The following CENPN variants were observed in gnomAD, a reference collection of about 807,000 sequenced individuals.
CENPN encodes interphase centromere complex protein 32.
A neutral mutation model predicts 48.6 loss-of-function variants in CENPN; 36 were observed. The ratio of observed to expected loss-of-function variants is 0.74; its 90% CI spans 0.57 to 0.98. The LOEUF (loss-of-function observed/expected upper bound fraction) is 0.98. Among genes scored for constraint, CENPN ranks in the 50% least tolerant of loss-of-function variants. The probability of loss-of-function intolerance (pLI) is 0.00; values close to 1 mark genes in which losing one functional copy is unlikely to be tolerated. For missense variants in CENPN, 439 were observed against 399.2 expected, an observed-to-expected ratio of 1.10 and a Z score of -0.85; for synonymous variants, 166 against 135.2, an observed-to-expected ratio of 1.23 and a Z score of -1.58.
Position 81,020,132 on chromosome 16 carries a change from T to G in CENPN, c.387T>G (p.Asn129Lys), listed in dbSNP as rs771490509. ...VTVSFRETEE[N>K]AVWIRIAWGT... ...TCAGCTTCAGAGAAACTGAGGAGAATGCAGTCTGGATTCGAATTGCCTGGG... is the reference window on the plus strand; with the variant it reads ...TCAGCTTCAGAGAAACTGAGGAGAAGGCAGTCTGGATTCGAATTGCCTGGG... Residue 129 changes from asparagine to lysine, a missense_variant, in exon 6 of 11, where the codon AAT becomes AAG. By Grantham distance (94) the Asn-to-Lys change is moderately conservative. Coordinates refer to ENST00000305850, the MANE Select transcript of CENPN (RefSeq NM_001100624.3). 1 of 1,613,064 alleles carries G rather than the reference T, an allele frequency of 6.2e-7. No individual in the cohort carries two copies. Among genetic ancestry groups the G allele is most frequent in the Non-Finnish European group, 8.5e-7 (1 of 1,179,774 alleles).
chr16:81,009,011 A>G, intron 1 of CENPN, among the ~76,000 whole-genome samples: 1 of 152,244 alleles, frequency 6.6e-6, no homozygotes, highest in East Asian at 1.9e-4. Flanking sequence ...GTTCAAGACC[A>G]GCCTGACCAA....
chr16:81,028,800 G>T lies in CENPN; in HGVS notation c.*149G>T. ...TTTAGAAATGCTCACATAATTGTTGGGACTGATTCATTCCTCCACGATATG... is the reference window on the plus strand; with the variant it reads ...TTTAGAAATGCTCACATAATTGTTGTGACTGATTCATTCCTCCACGATATG... On this transcript the variant is annotated 3_prime_UTR_variant, in exon 11 of 11. Coordinates refer to ENST00000305850, the MANE Select transcript of CENPN (RefSeq NM_001100624.3). 7.1e-7 allele frequency: 1 copy of T among 1,414,592 alleles called. No individual in the cohort carries two copies. The highest frequency in any genetic ancestry group is 1.7e-5 in the South Asian group (1 of 60,238). The allele number at this position is 1,414,592 out of a possible 1,614,324, so 87.6% of individuals were successfully genotyped here.
intron 2 of CENPN, among the ~76,000 whole-genome samples, chr16:81,013,854 C>T (rs567548515): frequency 6.6e-6 from 1 of 152,134 alleles, no homozygotes; most frequent in South Asian, 2.1e-4. Flanking sequence ...TAAAAATATA[C>T]AGTTTAATGG....
chr16:81,020,173 A>C lies in CENPN; in HGVS notation c.428A>C (p.Lys143Thr). The C allele has an allele frequency of 6.2e-7, 1 of 1,614,046 alleles. No individual in the cohort carries two copies. The highest frequency in any genetic ancestry group is 8.5e-7 in the Non-Finnish European group (1 of 1,179,992). The change falls in exon 6 of 11, where the codon AAG (lysine) becomes ACG (threonine). Residue 143 changes from lysine (K) to threonine (T), a missense_variant. By Grantham distance (78) the Lys-to-Thr change is moderately conservative. Coordinates refer to ENST00000305850, the MANE Select transcript of CENPN (RefSeq NM_001100624.3). ...IRIAWGTQYT[K>T]PNQYKPTYVV... is the part of the protein sequence containing the mutation. ...ATTGCCTGGGGAACACAGTACACAAAGCCAAACCAGTACAAACCTACCTAC... is the reference window on the plus strand; with the variant it reads ...ATTGCCTGGGGAACACAGTACACAACGCCAAACCAGTACAAACCTACCTAC...
intron 6 of CENPN, among the ~76,000 whole-genome samples, chr16:81,021,023 C>T (rs1447954512): frequency 6.6e-6 from 1 of 151,130 alleles, no homozygotes; most frequent in East Asian, 1.9e-4. Context: ...ACCCGGGAGG[C>T]AGAGGTTGCA....
Position 81,030,088 on chromosome 16 carries a change from A to C in CENPN, c.*1437A>C, listed in dbSNP as rs1970703655. 2 of 470,552 alleles carry C rather than the reference A, an allele frequency of 4.3e-6. No homozygotes were observed. Among genetic ancestry groups the C allele is most frequent in the Non-Finnish European group, 5.6e-6 (2 of 359,788 alleles). The allele number at this position is 470,552 out of a possible 1,614,324, so 29.1% of individuals were successfully genotyped here. On this transcript the variant is annotated 3_prime_UTR_variant, in exon 11 of 11. Transcript: ENST00000305850. ...CTCATGAAACTTATTCACTACCATGAGAATAGTATGGGGGAAATCGTTCCC... is the reference window on the plus strand; with the variant it reads ...CTCATGAAACTTATTCACTACCATGCGAATAGTATGGGGGAAATCGTTCCC...
rs1259299541 is a variant in CENPN at position 81,029,948 on chromosome 16, G to A, written c.*1297G>A. On this transcript the variant is annotated 3_prime_UTR_variant, in exon 11 of 11. Transcript: ENST00000305850. ...CTTAACTGACGCACATTTCCACGTG[G>A]CCAGGGAGGCCTCACAATCATGGTG... Among the ~76,000 whole-genome samples, 1 of 152,196 alleles carries A rather than the reference G, an allele frequency of 6.6e-6. No homozygotes were observed. The highest frequency in any genetic ancestry group is 1.5e-5 in the Non-Finnish European group (1 of 68,030).
chr16:81,028,048 C>A, intron 9 of CENPN, 123 bp from the exon 10 acceptor site: 1 of 865,820 alleles, frequency 1.2e-6, no homozygotes, highest in Non-Finnish European at 1.8e-6. Context: ...GTCCCCACCC[C>A]TGTTAATTCC....
intron 6 of CENPN, among the ~76,000 whole-genome samples, chr16:81,021,553 G>C (rs570592160): frequency 6.6e-6 from 1 of 152,270 alleles, no homozygotes; most frequent in South Asian, 2.1e-4. Context: ...CGAGCCCTAG[G>C]TAGTAAATGA....
chr16:81,013,944 G>C (rs573318708), intron 2 of CENPN, among the ~76,000 whole-genome samples, 192 bp from the exon 3 acceptor site: 1 of 152,296 alleles, frequency 6.6e-6, no homozygotes, highest in Admixed American at 6.5e-5. Context: ...AATTGTGAGA[G>C]AAGGTTGTGG....
rs1384977652 is a variant in CENPN at position 81,020,301 on chromosome 16, A to G, written c.531+25A>G. 4.4e-6 allele frequency: 7 copies of G among 1,596,058 alleles called. No homozygotes were observed. The African/African-American group carries it at 5.4e-5, about 12-fold the overall frequency. On this transcript the variant is annotated intron_variant, in intron 6 of 10. Transcript: ENST00000305850. ...GGTATGGAAAAAATTATTACAAGCT[A>G]TAATATTTTATTATCCTATCTCAAA...
In CENPN at chr16:81,028,248, G is replaced by A. The variant is rs1353994119; in HGVS notation, c.888G>A (p.Lys296=). The change falls in exon 10 of 11, where the codon AAG becomes AAA. Residue 296 remains lysine, a synonymous_variant. Coordinates refer to ENST00000305850, the MANE Select transcript of CENPN (RefSeq NM_001100624.3). ...AAGAACCCCTCCGATGCCTAATAAAGTTCTCTAGCCCACATCTTCTGGAAG... is the reference window on the plus strand; with the variant it reads ...AAGAACCCCTCCGATGCCTAATAAAATTCTCTAGCCCACATCTTCTGGAAG... ...EREEPLRCLI[K]FSSPHLLEAL... 14 of 1,614,086 alleles carry A rather than the reference G, an allele frequency of 8.7e-6. No homozygotes were observed. The highest frequency in any genetic ancestry group is 2.2e-5 in the East Asian group (1 of 44,882).
intron 3 of CENPN, among the ~76,000 whole-genome samples, chr16:81,015,674 C>T (rs931683553): frequency 6.6e-6 from 1 of 151,894 alleles, no homozygotes; most frequent in African/African-American, 2.4e-5. Flanking sequence ...AAGGTGGATC[C>T]ACACCATTCC....
At chr16:81,032,310 T>G (rs1210982988), downstream of CENPN, among the ~76,000 whole-genome samples, 1 of 152,186 alleles carries the variant, frequency 6.6e-6, no homozygotes. Context: ...AGAGAATCAT[T>G]TACAAGTTAA....
Position 81,029,164 on chromosome 16 carries a change from G to A in CENPN, c.*513G>A, listed in dbSNP as rs893191227. ...ATGGAGTTGAGTCCATTCTGTTATT[G>A]TTGCAAGAGGTTGCATATTTGGTGA... On this transcript the variant is annotated 3_prime_UTR_variant, in exon 11 of 11. Coordinates refer to ENST00000305850, the MANE Select transcript of CENPN (RefSeq NM_001100624.3). 8.1e-6 allele frequency: 8 copies of A among 983,224 alleles called. No individual in the cohort carries two copies. Among genetic ancestry groups the A allele is most frequent in the South Asian group, 4.7e-5 (1 of 21,246 alleles). 60.9% of individuals were successfully genotyped at this position (983,224 alleles called of 1,614,324 possible).
intron 1 of CENPN, 136 bp downstream of exon 1, chr16:81,007,413 G>A (rs1043967678): frequency 2.6e-4 from 40 of 152,364 alleles, no homozygotes; most frequent in African/African-American, 9.4e-4. Flanking sequence ...CTGGGTCTCG[G>A]GCTCGGGGCG....
chr16:81,032,195 T>C (rs919202662), downstream of CENPN, among the ~76,000 whole-genome samples: 4 of 152,166 alleles, frequency 2.6e-5, no homozygotes, highest in African/African-American at 9.7e-5. Context: ...TTCTATTCTG[T>C]CCTTCAAATC....
chr16:81,008,994 C>A (rs2911154), intron 1 of CENPN, among the ~76,000 whole-genome samples: 150,185 of 152,362 alleles, frequency 0.99, 74,056 homozygotes, highest in Middle Eastern at 1. Flanking sequence ...ATCACTTGAG[C>A]TTGGGAGTTC....
intron 5 of CENPN, among the ~76,000 whole-genome samples, chr16:81,018,969 C>T (rs1267381312): frequency 1.3e-5 from 2 of 152,170 alleles, no homozygotes; most frequent in Non-Finnish European, 1.5e-5. Flanking sequence ...CAGGAGCAGC[C>T]TATTAAATTC....
Sources: allele counts gnomAD v4.1 joint callset (sites outside exome capture counted in the v4.1 genomes callset), GRCh38; gene constraint gnomAD v4.1.1; transcripts MANE v1.5; gene names NCBI Gene and HGNC (gene_info 2026-07-23, HGNC 2026-07-21).